RAD51B: variants seen among roughly 807,000 people sequenced by gnomAD.
RAD51B encodes the protein DNA repair protein RAD51 homolog 2.
In RAD51B, 38 loss-of-function variants were observed where a neutral mutation model predicts 42.2. The observed-to-expected ratio is 0.90, with a 90% confidence interval of 0.70 to 1.18. RAD51B has a LOEUF of 1.18. Among genes scored for constraint, RAD51B ranks in the 50% most tolerant of loss-of-function variants. The probability of loss-of-function intolerance (pLI) is 0.00; values close to 1 mark genes in which losing one functional copy is unlikely to be tolerated. For missense variants in RAD51B, 373 were observed against 400.7 expected (o/e 0.93, Z 0.59); for synonymous variants, 154 against 145.2 (o/e 1.06, Z -0.43).
chr14:68,016,506 GTATT>G, intron 7 of RAD51B, among the ~76,000 whole-genome samples: 1 of 152,252 alleles, frequency 6.6e-6, no homozygotes, highest in Non-Finnish European at 1.5e-5. Context: ...GGTGTTTTGA[GTATT>G]TATTATCTTT....
intron 9 of RAD51B, chr14:68,421,784 A>G: frequency 6.3e-7 from 1 of 1,598,688 alleles, no homozygotes; most frequent in Non-Finnish European, 8.5e-7. Context: ...CCTCCACAAT[A>G]TTCGTGCCTT....
chr14:68,612,167 G>A (rs1891704478), downstream of RAD51B, among the ~76,000 whole-genome samples: 1 of 152,218 alleles, frequency 6.6e-6, no homozygotes, highest in African/African-American at 2.4e-5. Flanking sequence ...GCTGGAACAG[G>A]CTGACCCAGG....
At chr14:67,939,969 ATATATATAAAAAAATAAAAAG>A (rs1394023643) in intron 7 of RAD51B, among the ~76,000 whole-genome samples, 1 of 140,988 alleles carries the variant, frequency 7.1e-6, no homozygotes, top group African/African-American at 2.7e-5. Context: ...CATACATTAT[ATATATATAAAAAAATAAAAAG>A]TATATATATA....
chr14:68,043,640 T>C (rs988160050), intron 7 of RAD51B, among the ~76,000 whole-genome samples: 3 of 152,226 alleles, frequency 2.0e-5, no homozygotes, highest in Non-Finnish European at 4.4e-5. Flanking sequence ...TTCCCTGGCT[T>C]GATCTGCAAA....
chr14:68,130,402 T>C (rs534536149), intron 7 of RAD51B, among the ~76,000 whole-genome samples: 1 of 152,344 alleles, frequency 6.6e-6, no homozygotes, highest in African/African-American at 2.4e-5. Context: ...AGCTGAGATT[T>C]AGATCCTGGA....
chr14:68,259,939 A>G (rs2080842688), intron 7 of RAD51B, among the ~76,000 whole-genome samples: 1 of 152,226 alleles, frequency 6.6e-6, no homozygotes, highest in African/African-American at 2.4e-5. Flanking sequence ...GGTGAAAAAG[A>G]CAGAGGTCCT....
intron 8 of RAD51B, among the ~76,000 whole-genome samples, chr14:68,309,082 T>G (rs1006548829): frequency 3.3e-5 from 5 of 152,226 alleles, no homozygotes; most frequent in Non-Finnish European, 7.3e-5. Context: ...CTGTGTCACT[T>G]AAGATGGGCG....
chr14:68,291,407 G>T (rs2081514678), intron 7 of RAD51B, among the ~76,000 whole-genome samples: 1 of 151,344 alleles, frequency 6.6e-6, no homozygotes, highest in Non-Finnish European at 1.5e-5. Context: ...TTCTCCATTT[G>T]GTCAGGCTGG....
intron 9 of RAD51B, among the ~76,000 whole-genome samples, chr14:68,423,202 A>G (rs1021963806): frequency 6.6e-6 from 1 of 152,178 alleles, no homozygotes; most frequent in African/African-American, 2.4e-5. Context: ...ATGATCTGTG[A>G]TTCTCTAACA....
chr14:68,233,136 A>G (rs1210627622), intron 7 of RAD51B, among the ~76,000 whole-genome samples: 1 of 152,208 alleles, frequency 6.6e-6, no homozygotes, highest in Admixed American at 6.5e-5. Context: ...TAGATATTGT[A>G]AGCTGGTTGT....
intron 8 of RAD51B, among the ~76,000 whole-genome samples, chr14:68,303,454 T>C (rs905523003): frequency 1.9e-4 from 6 of 31,288 alleles, no homozygotes; most frequent in African/African-American, 1.4e-3. Flanking sequence ...ATATAAAGTA[T>C]AATAAAAAAA....
rs997904452 is a variant in RAD51B at position 68,565,084 on chromosome 14, T to TAC, written c.1037-29389_1037-29388dup. Among the ~76,000 whole-genome samples the TAC allele has an allele frequency of 6.6e-6, 1 of 151,808 alleles. No individual in the cohort carries two copies. The highest frequency in any genetic ancestry group is 2.4e-5 in the African/African-American group (1 of 41,282). On this transcript the variant is annotated intron_variant, in intron 10 of 10. Coordinates refer to the RAD51B transcript ENST00000487270. This position sits in a 1 kb window ranked among gnomAD's most constrained non-coding sequence, Gnocchi z 4.1. Reference sequence around the variant, plus strand: ...AAAAACACAATAGTGACAGGAAAAATACACACACACACATACACACACACA... The same window carrying TAC: ...AAAAACACAATAGTGACAGGAAAAATACACACACACACACATACACACACACA...
intron 10 of RAD51B, among the ~76,000 whole-genome samples, chr14:68,502,110 A>T (rs1884967064): frequency 6.6e-6 from 1 of 152,238 alleles, no homozygotes; most frequent in African/African-American, 2.4e-5. Context: ...CCTCAACCAG[A>T]AAGGTGGTTT....
intron 8 of RAD51B, among the ~76,000 whole-genome samples, chr14:68,367,026 A>G (rs555541059): frequency 3.9e-5 from 6 of 152,346 alleles, no homozygotes; most frequent in East Asian, 3.9e-4. Flanking sequence ...GCAGCTTCCA[A>G]CTGTAACATT....
intron 7 of RAD51B, among the ~76,000 whole-genome samples, chr14:68,075,979 G>A (rs937539809): frequency 3.9e-5 from 6 of 152,256 alleles, no homozygotes. Context: ...TGACCGAATT[G>A]TTCAGGCCAG....
chr14:68,231,797 T>G (rs1199045184), intron 7 of RAD51B, among the ~76,000 whole-genome samples: 1 of 151,758 alleles, frequency 6.6e-6, no homozygotes, highest in Non-Finnish European at 1.5e-5. Context: ...AATGAAAAAA[T>G]TATACAGGGA....
intron 7 of RAD51B, among the ~76,000 whole-genome samples, chr14:68,064,846 C>T (rs2140450557): frequency 6.6e-6 from 1 of 152,266 alleles, no homozygotes; most frequent in Admixed American, 6.5e-5. Flanking sequence ...TCTATCCCTG[C>T]ATTGAATTTC....
intron 10 of RAD51B, among the ~76,000 whole-genome samples, chr14:68,474,397 A>T (rs1003139137): frequency 2.0e-5 from 3 of 152,178 alleles, no homozygotes; most frequent in African/African-American, 7.2e-5. Flanking sequence ...GATGCACTGC[A>T]CTCTAGCCTG....
At chr14:68,332,165 A>G (rs1234686982) in intron 8 of RAD51B, among the ~76,000 whole-genome samples, 1 of 152,214 alleles carries the variant, frequency 6.6e-6, no homozygotes, top group African/African-American at 2.4e-5. Flanking sequence ...TGAAAGATTC[A>G]GGATATCAGA....
Sources: allele counts gnomAD v4.1 joint callset (sites outside exome capture counted in the v4.1 genomes callset), GRCh38; gene constraint gnomAD v4.1.1; non-coding constraint Gnocchi (gnomAD v3.1); transcripts MANE v1.5; gene names NCBI Gene and HGNC (gene_info 2026-07-23, HGNC 2026-07-21).